Variants in FARP2 observed in about 807,000 individuals in gnomAD.
FARP2 encodes the protein FERM, ARHGEF and pleckstrin domain-containing protein 2.
A neutral mutation model predicts 130.5 loss-of-function variants in FARP2; 111 were observed. The ratio of observed to expected loss-of-function variants is 0.85; its 90% CI spans 0.73 to 1.00. The LOEUF (loss-of-function observed/expected upper bound fraction) is 1.00, where lower values mean the gene tolerates loss of function less well. Ranked by LOEUF, FARP2 falls within the 50% of genes least tolerant of loss-of-function variation. The probability of loss-of-function intolerance (pLI) is 0.00; values close to 1 mark genes in which losing one functional copy is unlikely to be tolerated. For synonymous variants in FARP2, 504 were observed against 516.9 expected, an observed-to-expected ratio of 0.98 and a Z score of 0.34; for missense variants, 1,385 against 1,346.3, an observed-to-expected ratio of 1.03 and a Z score of -0.45.
chr2:241,463,530 G>C, intron 16 of FARP2, 62 bp downstream of exon 16: 2 of 1,556,436 alleles, frequency 1.3e-6, no homozygotes, highest in South Asian at 1.2e-5. Context: ...ACCGCTCTTA[G>C]GAACTTCCCA....
intron 18 of FARP2, among the ~76,000 whole-genome samples, chr2:241,470,884 C>T (rs1323066766): frequency 6.6e-6 from 1 of 150,906 alleles, no homozygotes; most frequent in African/African-American, 2.4e-5. Flanking sequence ...CAGGGGGATG[C>T]TCTGAGAGGA....
chr2:241,402,050 A>C (rs1353925945), intron 2 of FARP2, among the ~76,000 whole-genome samples: 1 of 152,042 alleles, frequency 6.6e-6, no homozygotes, highest in Non-Finnish European at 1.5e-5. Flanking sequence ...TCAGCCTCCC[A>C]AAGTGCTAGG....
At chr2:241,366,106 T>A (rs867196645) in intron 1 of FARP2, among the ~76,000 whole-genome samples, 23 of 36,348 alleles carry the variant, frequency 6.3e-4, no homozygotes, top group East Asian at 2.2e-3. Flanking sequence ...AAAAAAAAAA[T>A]ATATATATAT....
At chr2:241,428,234 C>CTTT (rs11397989) in intron 8 of FARP2, among the ~76,000 whole-genome samples, 27 of 124,946 alleles carry the variant, frequency 2.2e-4, no homozygotes, top group Admixed American at 3.5e-4. Flanking sequence ...CAATATTTTA[C>CTTT]TTTTTTTTTT....
At chr2:241,370,917 A>G (rs1442275957) in intron 1 of FARP2, among the ~76,000 whole-genome samples, 2 of 152,240 alleles carry the variant, frequency 1.3e-5, no homozygotes, top group Non-Finnish European at 2.9e-5. Context: ...GGTAACTGCC[A>G]ACCTGTGCCA....
intron 1 of FARP2, among the ~76,000 whole-genome samples, chr2:241,362,621 A>G (rs1465650679): frequency 6.6e-6 from 1 of 152,050 alleles, no homozygotes; most frequent in Non-Finnish European, 1.5e-5. Flanking sequence ...TATATATATT[A>G]ATTTTTAATT....
At chr2:241,449,258 C>A (rs373216680) in intron 13 of FARP2, among the ~76,000 whole-genome samples, 1 of 150,548 alleles carries the variant, frequency 6.6e-6, no homozygotes. Flanking sequence ...CCCAGGACTT[C>A]GAGACCTGCC....
intron 7 of FARP2, among the ~76,000 whole-genome samples, chr2:241,414,522 T>G (rs1364910012): frequency 1.3e-5 from 2 of 152,224 alleles, no homozygotes; most frequent in Non-Finnish European, 2.9e-5. Context: ...GTGCCAGCTA[T>G]GCATCCACCA....
chr2:241,410,913 C>T, intron 5 of FARP2, 120 bp from the exon 6 acceptor site: 3 of 673,004 alleles, frequency 4.5e-6, no homozygotes, highest in Non-Finnish European at 7.7e-6. Flanking sequence ...GCGTTTTGCT[C>T]ACTGTTGGGT....
At position 241,494,073 on chromosome 2, in the gene FARP2, G is replaced by A. The variant is rs2065036865; in HGVS notation, c.3113G>A (p.Gly1038Asp). The A allele has an allele frequency of 6.9e-7, 1 of 1,445,488 alleles. No individual in the cohort carries two copies. Among genetic ancestry groups the A allele is most frequent in the Admixed American group, 2.9e-5 (1 of 34,838 alleles). 89.5% of individuals were successfully genotyped at this position (1,445,488 alleles called of 1,614,324 possible). The change falls in exon 27 of 27, where the codon GGC becomes GAC. Residue 1038 changes from glycine (G) to aspartate (D), a missense_variant. Transcript: ENST00000264042. The surrounding 1 kb of genome is among the most constrained non-coding windows in gnomAD (Gnocchi z 4.9). ...AGRAPSIVQD[G>D]PQPSSGLEGM... The stretch of plus-strand genomic sequence containing the variant: ...AGGGCCCCAAGCATCGTGCAGGATG[G>A]CCCCCAACCCTCCTCAGGGCTGGAG...
At chr2:241,423,695 G>C (rs1440882932) in intron 8 of FARP2, among the ~76,000 whole-genome samples, 1 of 152,064 alleles carries the variant, frequency 6.6e-6, no homozygotes, top group Non-Finnish European at 1.5e-5. Context: ...AAGACCTATG[G>C]GTATGCTGTC....
intron 12 of FARP2, 76 bp from the exon 13 acceptor site, chr2:241,441,228 C>T: frequency 7.1e-7 from 1 of 1,406,380 alleles, no homozygotes; most frequent in Non-Finnish European, 9.7e-7. Flanking sequence ...CTAAGTTAGG[C>T]CAGGTGGCTT....
Position 241,483,631 on chromosome 2 carries a change from G to A in FARP2, c.2331+98G>A, listed in dbSNP as rs553431940. Reference sequence around the variant, plus strand: ...CTGCAGCGGCAGCCCATTGGCCTCTGGGTAGTTTAGCACTTGGAGGCTTTG... The same window carrying A: ...CTGCAGCGGCAGCCCATTGGCCTCTAGGTAGTTTAGCACTTGGAGGCTTTG... On this transcript the variant is annotated intron_variant, in intron 20 of 26. Coordinates refer to ENST00000264042, the MANE Select transcript of FARP2 (RefSeq NM_014808.4). 36 of 1,365,688 alleles carry A rather than the reference G, an allele frequency of 2.6e-5. No homozygotes were observed. In the African/African-American group the frequency reaches 5.0e-4, roughly 19 times the overall value. The allele number at this position is 1,365,688 out of a possible 1,614,324, so 84.6% of individuals were successfully genotyped here.
intron 13 of FARP2, chr2:241,445,524 G>A (rs2063493823): frequency 6.6e-6 from 1 of 152,236 alleles, no homozygotes; most frequent in African/African-American, 2.4e-5. Context: ...AACTCCAGGA[G>A]CAATTCAGCC....
Position 241,492,943 on chromosome 2 carries a change from A to ATATC in FARP2, c.2804_2807dup (p.Leu937SerfsTer32). On this transcript the variant is annotated frameshift_variant, in exon 25 of 27. Transcript: ENST00000264042. LOFTEE classifies it high-confidence loss of function. ...TTTATTGACAGAACCAGCTTTCAGG[A>ATATC]TATCTGCTAAGAAAGTTCAAAAACA... The ATATC allele has an allele frequency of 6.2e-7, 1 of 1,607,668 alleles. No individual in the cohort carries two copies. The highest frequency in any genetic ancestry group is 8.5e-7 in the Non-Finnish European group (1 of 1,174,140).
intron 13 of FARP2, among the ~76,000 whole-genome samples, chr2:241,450,934 A>G (rs533896738): frequency 6.6e-6 from 1 of 152,332 alleles, no homozygotes; most frequent in South Asian, 2.1e-4. Context: ...CCTGGGCAAC[A>G]GAGCAAGACT....
intron 18 of FARP2, among the ~76,000 whole-genome samples, chr2:241,471,053 G>A (rs1411804595): frequency 6.6e-6 from 1 of 151,474 alleles, no homozygotes; most frequent in Non-Finnish European, 1.5e-5. Context: ...AACATGTTCT[G>A]AGGAGGATGC....
intron 5 of FARP2, 132 bp downstream of exon 5, chr2:241,407,747 T>C (rs2062401126): frequency 4.6e-6 from 3 of 651,546 alleles, no homozygotes; most frequent in Non-Finnish European, 7.9e-6. Flanking sequence ...GAGTGTAGAG[T>C]GGTTAACAGA....
In FARP2 at chr2:241,411,077, G is replaced by T; in HGVS notation, c.455G>T (p.Arg152Leu). The change falls in exon 6 of 27, where the codon CGT becomes CTT. Residue 152 changes from arginine to leucine, a missense_variant. Arg to Leu is a moderately radical substitution (Grantham distance 102). Coordinates refer to ENST00000264042, the MANE Select transcript of FARP2 (RefSeq NM_014808.4). ...CTTAAGAGAGACCTGCTGGAAGAGC[G>T]TTTGACCTGTGCTGACACCACAGCG... ...LQLKRDLLEE[R>L]LTCADTTAAL... is the part of the protein sequence containing the mutation. The T allele has an allele frequency of 6.2e-7, 1 of 1,612,588 alleles. No homozygotes were observed. The highest frequency in any genetic ancestry group is 8.5e-7 in the Non-Finnish European group (1 of 1,179,260).
Sources: gnomAD v4.1 joint callset for allele counts (sites outside exome capture counted in the v4.1 genomes callset) on GRCh38, gnomAD v4.1.1 for gene constraint, Gnocchi (gnomAD v3.1) non-coding constraint, MANE v1.5 for transcripts, NCBI Gene and HGNC (gene_info 2026-07-23, HGNC 2026-07-21) for gene names.